ARHGEF28: variants seen among roughly 807,000 people sequenced by gnomAD.
ARHGEF28 encodes Rho guanine nucleotide exchange factor 28.
A neutral mutation model predicts 206.6 loss-of-function variants in ARHGEF28; 152 were observed. The observed-to-expected ratio is 0.74, with a 90% CI of 0.64 to 0.84. The LOEUF (loss-of-function observed/expected upper bound fraction) is 0.84, where lower values mean the gene tolerates loss of function less well. Among genes scored for constraint, ARHGEF28 ranks in the 40% least tolerant of loss-of-function variants. The probability of loss-of-function intolerance (pLI) is 0.00; values close to 1 mark genes in which losing one functional copy is unlikely to be tolerated. For missense variants in ARHGEF28, 2,028 were observed against 2,073.2 expected (o/e 0.98, Z 0.42); for synonymous variants, 763 against 776.4 (o/e 0.98, Z 0.29).
Position 73,745,177 on chromosome 5 carries a change from C to T in ARHGEF28, c.34-4660C>T, listed in dbSNP as rs142697172. ...GTTCAGCAAATAGCATTGTTATTAA[C>T]GAAGTGTAATTATATACAGATGCAT... On this transcript the variant is annotated intron_variant, in intron 2 of 35. Transcript: ENST00000513042. Among the ~76,000 whole-genome samples, 277 of 151,814 alleles carry T rather than the reference C, an allele frequency of 1.8e-3. 1 individual carries two copies. Among genetic ancestry groups the T allele is most frequent in the African/African-American group, 6.2e-3 (255 of 41,456 alleles).
intron 4 of ARHGEF28, among the ~76,000 whole-genome samples, chr5:73,755,488 G>T (rs1752258234): frequency 6.6e-6 from 1 of 152,106 alleles, no homozygotes. Flanking sequence ...GGTTTAATTT[G>T]TGCCTCTGAA....
intron 11 of ARHGEF28, among the ~76,000 whole-genome samples, chr5:73,843,595 A>G (rs2112581551): frequency 6.6e-6 from 1 of 152,320 alleles, no homozygotes. Flanking sequence ...ATTTGGGGGC[A>G]CACAGTAAAA....
At chr5:73,906,932 G>T (rs1464916237) in intron 33 of ARHGEF28, among the ~76,000 whole-genome samples, 1 of 151,992 alleles carries the variant, frequency 6.6e-6, no homozygotes, top group Non-Finnish European at 1.5e-5. Flanking sequence ...AGTATTCCAG[G>T]TAGAAAATAA....
intron 9 of ARHGEF28, among the ~76,000 whole-genome samples, chr5:73,814,460 T>A (rs184390752): frequency 2.6e-4 from 40 of 152,222 alleles, no homozygotes; most frequent in Admixed American, 2.4e-3. Flanking sequence ...TGAGAAGCTG[T>A]TATCCCATCC....
intron 7 of ARHGEF28, chr5:73,786,529 T>G (rs117042970): frequency 0.02 from 3,075 of 152,288 alleles, 176 homozygotes; most frequent in East Asian, 0.17. Flanking sequence ...TTCCAAATGG[T>G]TCATCTCTCT....
intron 35 of ARHGEF28, among the ~76,000 whole-genome samples, chr5:73,926,912 A>T (rs1362675063): frequency 6.6e-6 from 1 of 152,178 alleles, no homozygotes; most frequent in Non-Finnish European, 1.5e-5. Context: ...GCTGCTGGCC[A>T]CTAAGTAGCT....
At chr5:73,727,243 G>A (rs553188046) in intron 2 of ARHGEF28, among the ~76,000 whole-genome samples, 3 of 152,148 alleles carry the variant, frequency 2.0e-5, no homozygotes, top group African/African-American at 7.2e-5. Context: ...AGATGGGCAA[G>A]TTTCTTCTTA....
chr5:73,773,638 C>G (rs1408697489), intron 4 of ARHGEF28, among the ~76,000 whole-genome samples: 1 of 152,158 alleles, frequency 6.6e-6, no homozygotes, highest in African/African-American at 2.4e-5. Flanking sequence ...CTGTGCTCAG[C>G]GGACCTGGCC....
intron 30 of ARHGEF28, chr5:73,899,995 A>G (rs1227801565): frequency 1.3e-5 from 2 of 152,268 alleles, no homozygotes; most frequent in African/African-American, 4.8e-5. Flanking sequence ...AGAGTTAGGA[A>G]TAGCACCCAA....
intron 24 of ARHGEF28, among the ~76,000 whole-genome samples, chr5:73,885,003 T>C (rs764872851): frequency 6.6e-6 from 1 of 152,088 alleles, no homozygotes; most frequent in Non-Finnish European, 1.5e-5. Context: ...GTAAAAGAAA[T>C]TAAAATATTT....
intron 1 of ARHGEF28, among the ~76,000 whole-genome samples, chr5:73,630,602 G>T (rs950399282): frequency 1.3e-5 from 2 of 152,192 alleles, no homozygotes; most frequent in African/African-American, 4.8e-5. Flanking sequence ...TGAGATGTCA[G>T]TGTGACCCCA....
intron 35 of ARHGEF28, among the ~76,000 whole-genome samples, chr5:73,916,656 A>T (rs971648140): frequency 6.6e-6 from 1 of 152,170 alleles, no homozygotes; most frequent in African/African-American, 2.4e-5. Context: ...TTAAAGCTGT[A>T]TCTACAAATA....
intron 1 of ARHGEF28, among the ~76,000 whole-genome samples, chr5:73,680,909 C>T (rs1458213303): frequency 6.6e-6 from 1 of 151,912 alleles, no homozygotes; most frequent in East Asian, 1.9e-4. Context: ...TGCCATGTTG[C>T]CCAGGCTGGT....
chr5:73,695,474 C>T (rs1748147096), intron 2 of ARHGEF28, among the ~76,000 whole-genome samples: 1 of 152,184 alleles, frequency 6.6e-6, no homozygotes, highest in African/African-American at 2.4e-5. Context: ...CTTCCATTTC[C>T]AGCTGGCCTG....
intron 9 of ARHGEF28, among the ~76,000 whole-genome samples, chr5:73,797,412 A>G (rs1754885378): frequency 6.6e-6 from 1 of 152,046 alleles, no homozygotes; most frequent in Admixed American, 6.6e-5. Flanking sequence ...GTTATTTTTT[A>G]TTTTTTGAGA....
At chr5:73,924,951 C>G (rs1763719368) in intron 35 of ARHGEF28, among the ~76,000 whole-genome samples, 1 of 152,130 alleles carries the variant, frequency 6.6e-6, no homozygotes, top group South Asian at 2.1e-4. Context: ...TGCGGCATAC[C>G]CTTCAAAGAC....
chr5:73,806,608 C>A (rs530532638), intron 9 of ARHGEF28, among the ~76,000 whole-genome samples: 1 of 134,972 alleles, frequency 7.4e-6, no homozygotes, highest in Non-Finnish European at 1.6e-5. Flanking sequence ...TACTACACAT[C>A]TATCTATATA....
At chr5:73,722,813 C>T (rs1005322960) in intron 2 of ARHGEF28, among the ~76,000 whole-genome samples, 7 of 152,150 alleles carry the variant, frequency 4.6e-5, no homozygotes, top group African/African-American at 9.7e-5. Flanking sequence ...TATATATTAA[C>T]AAATAAGGCT....
chr5:73,776,375 T>A (rs1187107823), intron 5 of ARHGEF28, 141 bp from the exon 6 acceptor site: 1 of 638,280 alleles, frequency 1.6e-6, no homozygotes, highest in African/African-American at 1.8e-5. Flanking sequence ...TATGATCTTA[T>A]GTATTTATTG....
Sources: gnomAD v4.1 joint callset for allele counts (sites outside exome capture counted in the v4.1 genomes callset) on GRCh38, gnomAD v4.1.1 for gene constraint, MANE v1.5 for transcripts, NCBI Gene and HGNC (gene_info 2026-07-23, HGNC 2026-07-21) for gene names.